The following ZP3 variants were observed in gnomAD, a reference collection of about 807,000 sequenced individuals.
ZP3 encodes zona pellucida sperm-binding protein 3.
A neutral mutation model predicts 35.6 loss-of-function variants in ZP3; 21 were observed. That is an observed-to-expected ratio of 0.59 (90% CI 0.42 to 0.85). The LOEUF is 0.85. Among genes scored for constraint, ZP3 ranks in the 40% least tolerant of loss-of-function variants. The pLI is 0.00. For synonymous variants in ZP3, 207 were observed against 214.5 expected (o/e 0.96, Z 0.31); for missense variants, 437 against 536.5 (o/e 0.81, Z 1.83).
intron 1 of ZP3, among the ~76,000 whole-genome samples, chr7:76,411,582 AG>A (rs1209405370): frequency 2.0e-5 from 3 of 152,074 alleles, no homozygotes; most frequent in Non-Finnish European, 4.4e-5. Context: ...GGAAAAAAAA[AG>A]AACGATGATG....
chr7:76,425,451 G>T (rs949934480), intron 1 of ZP3, among the ~76,000 whole-genome samples, 175 bp downstream of exon 1: 1 of 152,180 alleles, frequency 6.6e-6, no homozygotes, highest in African/African-American at 2.4e-5. Context: ...ACCCAGGGCA[G>T]CTCCTGCCTC....
At chr7:76,420,290 G>T (rs1270792098), upstream of ZP3, among the ~76,000 whole-genome samples, 2 of 152,094 alleles carry the variant, frequency 1.3e-5, no homozygotes, top group Non-Finnish European at 2.9e-5. Flanking sequence ...ATCGTGTGCT[G>T]GGATTATAGG....
rs1055740203 is a variant in ZP3, at chr7:76,400,874, C to T, written c.-67+3077C>T. ...CAATCCCTTCTGGAAAATGGGGAGACTACAGCTCCCCTGAGATGGGGGCAT... is the reference window on the plus strand; with the variant it reads ...CAATCCCTTCTGGAAAATGGGGAGATTACAGCTCCCCTGAGATGGGGGCAT... On this transcript the variant is annotated intron_variant, in intron 1 of 8. Coordinates refer to the ZP3 transcript ENST00000336517. The T allele has an allele frequency of 3.9e-5, 49 of 1,271,198 alleles. No homozygotes were observed. In the South Asian group the frequency reaches 4.8e-4, roughly 12 times the overall value. 78.7% of individuals were successfully genotyped at this position (1,271,198 alleles called of 1,614,324 possible). A position where few individuals can be genotyped will look rare whatever the true frequency, so the allele number is the denominator to read the frequency against.
upstream of ZP3, among the ~76,000 whole-genome samples, chr7:76,423,017 GAGAGAGAGAGAAAGAA>G (rs1472235199): frequency 8.4e-5 from 6 of 71,842 alleles, no homozygotes; most frequent in Admixed American, 1.5e-4. Context: ...AAGAGAGAGA[GAGAGAGAGAGAAAGAA>G]AGAAAGAAAG....
intron 5 of ZP3, among the ~76,000 whole-genome samples, chr7:76,436,587 A>G (rs1806021767): frequency 6.6e-6 from 1 of 152,236 alleles, no homozygotes; most frequent in African/African-American, 2.4e-5. Flanking sequence ...ATCAACACAC[A>G]GATCAGTAGG....
intron 5 of ZP3, among the ~76,000 whole-genome samples, chr7:76,435,032 C>T: frequency 6.8e-6 from 1 of 148,024 alleles, no homozygotes; most frequent in East Asian, 2.0e-4. Flanking sequence ...CAACATCTAG[C>T]CGGGAAGTAC....
chr7:76,414,500 T>C (rs1805318975), intron 1 of ZP3, among the ~76,000 whole-genome samples: 1 of 151,946 alleles, frequency 6.6e-6, no homozygotes, highest in Non-Finnish European at 1.5e-5. Context: ...AATCTGCCTA[T>C]GGTCTGTAAA....
intron 1 of ZP3, among the ~76,000 whole-genome samples, chr7:76,411,728 T>C (rs1398414008): frequency 6.6e-6 from 1 of 152,094 alleles, no homozygotes; most frequent in Non-Finnish European, 1.5e-5. Context: ...TACTCTGAAA[T>C]ATAGTCTGAC....
At chr7:76,416,877 C>CACACATACATATATATACATACATATAT (rs1213571776) in intron 1 of ZP3, among the ~76,000 whole-genome samples, 28 of 140,898 alleles carry the variant, frequency 2.0e-4, no homozygotes, top group African/African-American at 8.3e-4. Context: ...CACATATATA[C>CACACATACATATATATACATACATATAT]ACACATACAT....
In ZP3 at chr7:76,425,241, G is replaced by A. The variant is rs1805616316; in HGVS notation, c.277G>A (p.Glu93Lys). 1 of 1,612,744 alleles carries A rather than the reference G, an allele frequency of 6.2e-7. No individual in the cohort carries two copies. The highest frequency in any genetic ancestry group is 8.5e-7 in the Non-Finnish European group (1 of 1,179,414). ...GGACACAGAAGATGTGGTCAGGTTT[G>A]AGGTTGGACTCCACGAGTGTGGCAA... ...SMDTEDVVRF[E>K]VGLHECGNSM... Residue 93 changes from glutamate to lysine, a missense_variant, in exon 1 of 8, where the codon GAG becomes AAG. This residue lies in a region of ZP3 where 352 missense variants were observed against 308.4 expected (regional missense o/e 1.14). Transcript: ENST00000394857.
chr7:76,424,103 G>C (rs959142902), upstream of ZP3, among the ~76,000 whole-genome samples: 1 of 152,042 alleles, frequency 6.6e-6, no homozygotes, highest in Non-Finnish European at 1.5e-5. Flanking sequence ...CTCACACTTG[G>C]AATGAGCTCC....
At chr7:76,430,256 C>G (rs1179565731) in intron 2 of ZP3, among the ~76,000 whole-genome samples, 1 of 152,114 alleles carries the variant, frequency 6.6e-6, no homozygotes, top group East Asian at 1.9e-4. Flanking sequence ...AGAATCTGAC[C>G]TGGGCGGTGG....
chr7:76,434,418 GA>G (rs1805931095), intron 5 of ZP3, among the ~76,000 whole-genome samples: 1 of 151,786 alleles, frequency 6.6e-6, no homozygotes, highest in African/African-American at 2.4e-5. Flanking sequence ...TGGATCACTT[GA>G]GGTCAGGAGT....
upstream of ZP3, chr7:76,424,914 C>G (rs1489141886): frequency 4.1e-6 from 6 of 1,456,998 alleles, no homozygotes; most frequent in Non-Finnish European, 5.4e-6. Context: ...CAGCCAGCAT[C>G]CCACGGGTAT....
rs897293298 is a variant in ZP3 at position 76,413,679 on chromosome 7, T to C, written c.-66-11373T>C. Among the ~76,000 whole-genome samples, 7 of 152,332 alleles carry C rather than the reference T, an allele frequency of 4.6e-5. No homozygotes were observed. The East Asian group carries it at 1.3e-3, about 29-fold the overall frequency. ...AATATTTTAATTTTATTTATTCATT[T>C]ATTTTTTGAGACAAGTTCTCCCTGT... is the stretch of plus-strand genomic sequence containing the variant. On this transcript the variant is annotated intron_variant, in intron 1 of 8. Coordinates refer to the ZP3 transcript ENST00000336517.
chr7:76,423,418 T>C (rs1259661495), upstream of ZP3, among the ~76,000 whole-genome samples: 1 of 152,180 alleles, frequency 6.6e-6, no homozygotes, highest in Non-Finnish European at 1.5e-5. Context: ...TCTTGAGTTA[T>C]GGGCCACCTG....
chr7:76,430,473 C>A (rs777442222), intron 2 of ZP3, among the ~76,000 whole-genome samples: 2 of 152,058 alleles, frequency 1.3e-5, no homozygotes, highest in Non-Finnish European at 2.9e-5. Flanking sequence ...TGGTGGCTCA[C>A]GCCTGTAATA....
chr7:76,433,561 A>G lies in ZP3; in HGVS notation c.627A>G (p.Pro209=), dbSNP rs761139076. ...QAEIHTGSHV[P]LRLFVDHCVA... ...AAATCCACACTGGCAGCCACGTGCC[A>G]CTGCGGTTGTTTGTGGACCACTGCG... The change falls in exon 4 of 8, where the codon CCA becomes CCG. Residue 209 remains proline (P), a synonymous_variant. Transcript: ENST00000394857. 6.2e-7 allele frequency: 1 copy of G among 1,614,190 alleles called. No homozygotes were observed. Among genetic ancestry groups the G allele is most frequent in the South Asian group, 1.1e-5 (1 of 91,088 alleles).
At chr7:76,404,573 C>A in intron 1 of ZP3, 1 of 1,376,316 alleles carries the variant, frequency 7.3e-7, no homozygotes, top group Non-Finnish European at 1.0e-6. Flanking sequence ...GGGAGGATTG[C>A]TTGCACCCAG....
Sources: allele counts gnomAD v4.1 joint callset (sites outside exome capture counted in the v4.1 genomes callset), GRCh38; gene constraint gnomAD v4.1.1; regional missense constraint gnomAD v4.1.1; transcripts MANE v1.5; gene names NCBI Gene and HGNC (gene_info 2026-07-23, HGNC 2026-07-21).